The following TENM3 variants were observed in gnomAD, a reference collection of about 807,000 sequenced individuals.
TENM3 encodes teneurin transmembrane protein 3.
In TENM3, 63 loss-of-function variants were observed where a neutral mutation model predicts 255.1. That is an observed-to-expected ratio of 0.25 (90% CI 0.20 to 0.30). The LOEUF (loss-of-function observed/expected upper bound fraction) is 0.30, where lower values mean the gene tolerates loss of function less well. Ranked by LOEUF, TENM3 falls within the 10% of genes least tolerant of loss-of-function variation. The pLI is 1.00. For synonymous variants in TENM3, 1,306 were observed against 1,322.3 expected, an observed-to-expected ratio of 0.99 and a Z score of 0.27; for missense variants, 2,929 against 3,461.1, an observed-to-expected ratio of 0.85 and a Z score of 3.86.
chr4:181,524,294 C>T, the TENM3 span, among the ~76,000 whole-genome samples: 1 of 152,130 alleles, frequency 6.6e-6, no homozygotes, highest in African/African-American at 2.4e-5. Flanking sequence ...AAGTTGGTTG[C>T]TTATTTCCTA....
At chr4:181,827,665 A>C in the TENM3 span, among the ~76,000 whole-genome samples, 3 of 152,192 alleles carry the variant, frequency 2.0e-5, no homozygotes, top group Admixed American at 6.5e-5. Flanking sequence ...GGTGAGACTG[A>C]GTGGGTGACC....
intron 1 of TENM3, among the ~76,000 whole-genome samples, chr4:182,218,205 T>C (rs1413065495): frequency 1.3e-5 from 2 of 152,190 alleles, no homozygotes; most frequent in African/African-American, 4.8e-5. Flanking sequence ...GAATCACTAG[T>C]CTGTCCTGCC....
the TENM3 span, among the ~76,000 whole-genome samples, chr4:182,060,076 C>T: frequency 2.6e-5 from 4 of 152,054 alleles, no homozygotes; most frequent in East Asian, 3.9e-4. Context: ...CCATCTCTAT[C>T]GAAAGTACAA....
chr4:181,943,227 T>C, the TENM3 span, among the ~76,000 whole-genome samples: 1 of 152,166 alleles, frequency 6.6e-6, no homozygotes, highest in Admixed American at 6.5e-5. Context: ...TATAGATTAA[T>C]GTCAAGGTTC....
chr4:182,368,285 T>G (rs1048164432), intron 3 of TENM3, among the ~76,000 whole-genome samples: 2 of 152,120 alleles, frequency 1.3e-5, no homozygotes, highest in Non-Finnish European at 2.9e-5. Context: ...AGGATTATGA[T>G]AGTAAACCGT....
At chr4:181,716,360 A>G in the TENM3 span, among the ~76,000 whole-genome samples, 25 of 152,274 alleles carry the variant, frequency 1.6e-4, no homozygotes, top group Middle Eastern at 3.4e-3. Context: ...ATCAATATAA[A>G]AGTTATTGAT....
At chr4:181,990,830 T>A in the TENM3 span, among the ~76,000 whole-genome samples, 1 of 152,066 alleles carries the variant, frequency 6.6e-6, no homozygotes, top group Non-Finnish European at 1.5e-5. Context: ...AGCAGACAAT[T>A]TGAAAGGAGA....
the TENM3 span, among the ~76,000 whole-genome samples, chr4:182,052,317 C>A: frequency 6.6e-6 from 1 of 151,920 alleles, no homozygotes; most frequent in Non-Finnish European, 1.5e-5. Context: ...GAAGCAAGAG[C>A]ATAGTGTCAA....
At chr4:182,452,951 C>T (rs1273111972) in intron 3 of TENM3, among the ~76,000 whole-genome samples, 1 of 152,030 alleles carries the variant, frequency 6.6e-6, no homozygotes, top group Admixed American at 6.6e-5. Context: ...AATACCTTGT[C>T]TTCTGATATG....
intron 3 of TENM3, among the ~76,000 whole-genome samples, chr4:182,496,312 C>T (rs1040013762): frequency 6.6e-6 from 1 of 152,124 alleles, no homozygotes; most frequent in Non-Finnish European, 1.5e-5. Context: ...ATTTTCCCTA[C>T]CTTCTCCTCA....
chr4:182,049,456 A>C, the TENM3 span, among the ~76,000 whole-genome samples: 14,065 of 152,192 alleles, frequency 0.092, 693 homozygotes, highest in East Asian at 0.15. Flanking sequence ...TCTGCTCTTC[A>C]GAGTGGTCAG....
chr4:182,126,936 A>G, the TENM3 span, among the ~76,000 whole-genome samples: 11 of 152,334 alleles, frequency 7.2e-5, no homozygotes, highest in African/African-American at 2.6e-4. Context: ...CACATTGCAT[A>G]GCCACAAATC....
chr4:181,468,133 A>C, the TENM3 span, among the ~76,000 whole-genome samples: 1,265 of 14,932 alleles, frequency 0.085, 46 homozygotes, highest in Admixed American at 0.25. Flanking sequence ...CCATCTGTAC[A>C]AAAAAAAAAA....
At chr4:182,688,450 ATTTTTTACTTGTC>A in intron 12 of TENM3, 99 bp downstream of exon 12, 2 of 932,654 alleles carry the variant, frequency 2.1e-6, no homozygotes, top group Non-Finnish European at 2.9e-6. Flanking sequence ...TCTTTACGTT[ATTTTTTACTTGTC>A]TTTCTTAACA....
At chr4:181,451,116 G>A in the TENM3 span, among the ~76,000 whole-genome samples, 23 of 152,158 alleles carry the variant, frequency 1.5e-4, no homozygotes, top group Admixed American at 1.1e-3. Context: ...TCATTATAGA[G>A]GGTAGGGGTG....
At chr4:182,481,087 A>C (rs932112400) in intron 3 of TENM3, among the ~76,000 whole-genome samples, 4 of 152,094 alleles carry the variant, frequency 2.6e-5, no homozygotes, top group Non-Finnish European at 5.9e-5. Context: ...GCATTTTGCC[A>C]AAGTGAATAA....
At chr4:181,918,828 G>C in the TENM3 span, among the ~76,000 whole-genome samples, 2 of 152,010 alleles carry the variant, frequency 1.3e-5, no homozygotes, top group Non-Finnish European at 2.9e-5. Flanking sequence ...ATTGATCAAA[G>C]AAAAAGTATC....
intron 22 of TENM3, among the ~76,000 whole-genome samples, chr4:182,771,705 A>G (rs1287064246): frequency 6.6e-6 from 1 of 152,172 alleles, no homozygotes; most frequent in Non-Finnish European, 1.5e-5. Flanking sequence ...TCTTAAATAA[A>G]CCAGTGCGTG....
chr4:182,296,326 C>G (rs1369039204), intron 1 of TENM3, among the ~76,000 whole-genome samples: 1 of 152,182 alleles, frequency 6.6e-6, no homozygotes, highest in Non-Finnish European at 1.5e-5. Flanking sequence ...GACATGAAAA[C>G]TCTTTTAGGA....
Sources: gnomAD v4.1 joint callset for allele counts (sites outside exome capture counted in the v4.1 genomes callset) on GRCh38, gnomAD v4.1.1 for gene constraint, MANE v1.5 for transcripts, NCBI Gene and HGNC (gene_info 2026-07-23, HGNC 2026-07-21) for gene names.